The following PIK3R6 variants were observed in gnomAD, a reference collection of about 807,000 sequenced individuals.
PIK3R6 encodes phosphoinositide 3-kinase regulatory subunit 6.
Under a neutral mutation model 84.9 loss-of-function variants are expected in PIK3R6, and 91 were observed. The observed-to-expected ratio is 1.07, with a 90% CI of 0.90 to 1.28. The LOEUF is 1.28. Ranked by LOEUF, PIK3R6 falls within the 50% of genes most tolerant of loss-of-function variation. The pLI, the probability that PIK3R6 is intolerant of heterozygous loss-of-function variation, is 0.00. For synonymous variants in PIK3R6, 416 were observed against 411.4 expected (o/e 1.01, Z -0.13); for missense variants, 996 against 985.1 (o/e 1.01, Z -0.15).
intron 18 of PIK3R6, 37 bp downstream of exon 18, chr17:8,819,046 C>T (rs932037805): frequency 1.4e-6 from 2 of 1,464,608 alleles, no homozygotes; most frequent in Admixed American, 3.9e-5. Context: ...GCTGTCCCAG[C>T]TGGCTGTCTC....
At chr17:8,818,478 G>C (rs577172582) in intron 18 of PIK3R6, among the ~76,000 whole-genome samples, 19 of 152,218 alleles carry the variant, frequency 1.2e-4, no homozygotes, top group African/African-American at 4.6e-4. Context: ...ACGAAACCCT[G>C]TCTCTACTAA....
At chr17:8,852,382 A>G (rs953803313) in intron 1 of PIK3R6, among the ~76,000 whole-genome samples, 1 of 152,244 alleles carries the variant, frequency 6.6e-6, no homozygotes, top group Non-Finnish European at 1.5e-5. Context: ...GAATTCAGCA[A>G]TGGATTGTAA....
chr17:8,802,938 T>C lies in PIK3R6; in HGVS notation c.*335A>G, dbSNP rs1034536569. On this transcript the variant is annotated 3_prime_UTR_variant, in exon 20 of 20. Transcript: ENST00000619866. ...CCAAGACAGCAGCTTTAACCCTGGT[T>C]TTAAGGGCTGGATGGGGAGCTTGGG... is the stretch of plus-strand genomic sequence containing the variant. 6.4e-5 allele frequency: 17 copies of C among 264,400 alleles called. No homozygotes were observed. The highest frequency in any genetic ancestry group is 1.2e-4 in the Non-Finnish European group (16 of 136,306). The allele number at this position is 264,400 out of a possible 1,614,324, so 16.4% of individuals were successfully genotyped here.
chr17:8,839,732 C>A lies in PIK3R6; in HGVS notation c.14-35G>T. ...GGTAGGGGTGGGAGGAAACTCAGTC[C>A]ACTGAACCTCACCCTCGTCCCACCT... On this transcript the variant is annotated intron_variant, in intron 2 of 19. Coordinates refer to ENST00000619866, the MANE Select transcript of PIK3R6 (RefSeq NM_001010855.4). The surrounding 1 kb of genome is among the most constrained non-coding windows in gnomAD (Gnocchi z 4.2). The A allele has an allele frequency of 6.7e-7, 1 of 1,497,756 alleles. No individual in the cohort carries two copies. Among genetic ancestry groups the A allele is most frequent in the South Asian group, 1.2e-5 (1 of 81,996 alleles). The allele number at this position is 1,497,756 out of a possible 1,614,324, so 92.8% of individuals were successfully genotyped here. A position where few individuals can be genotyped will look rare whatever the true frequency, so the allele number is the denominator to read the frequency against.
intron 18 of PIK3R6, among the ~76,000 whole-genome samples, chr17:8,813,876 C>T (rs1597379554): frequency 6.6e-6 from 1 of 152,156 alleles, no homozygotes; most frequent in Non-Finnish European, 1.5e-5. Context: ...GTCACTACTC[C>T]TATTCAACAT....
intron 13 of PIK3R6, among the ~76,000 whole-genome samples, chr17:8,823,897 G>C (rs2087830662): frequency 6.6e-6 from 1 of 152,190 alleles, no homozygotes; most frequent in Non-Finnish European, 1.5e-5. Flanking sequence ...TGAGGCCCGA[G>C]TGTCCTTCTA....
chr17:8,806,170 G>T (rs1225735290), intron 18 of PIK3R6, among the ~76,000 whole-genome samples: 5 of 152,238 alleles, frequency 3.3e-5, no homozygotes, highest in Non-Finnish European at 7.3e-5. Context: ...CGTTCTATTT[G>T]CCATAATGAA....
At chr17:8,861,738 G>A (rs1009869791) in intron 1 of PIK3R6, among the ~76,000 whole-genome samples, 1 of 152,198 alleles carries the variant, frequency 6.6e-6, no homozygotes. Flanking sequence ...GAGAAGTGAT[G>A]CTGGCAATTG....
rs778443229 is a variant in PIK3R6 at position 8,828,790 on chromosome 17, C to T, written c.1090G>A (p.Ala364Thr). ...PAPGSPEMER[A>T]GLQRKGGIKK... ...ATGCCCCCTTTGCGCTGCAGCCCGGCTCGCTCCATCTCAGGGCTGCCGGGT... is the reference window on the plus strand; with the variant it reads ...ATGCCCCCTTTGCGCTGCAGCCCGGTTCGCTCCATCTCAGGGCTGCCGGGT... The change falls in exon 11 of 20, where the codon GCC becomes ACC. Residue 364 changes from alanine to threonine, a missense_variant. Transcript: ENST00000619866. 4.4e-6 allele frequency: 7 copies of T among 1,586,808 alleles called. No individual in the cohort carries two copies. The highest frequency in any genetic ancestry group is 6.0e-6 in the Non-Finnish European group (7 of 1,164,612).
chr17:8,866,248 A>G (rs1342394516), intron 1 of PIK3R6, among the ~76,000 whole-genome samples: 1 of 152,064 alleles, frequency 6.6e-6, no homozygotes, highest in Non-Finnish European at 1.5e-5. Context: ...AAATAAATAA[A>G]TGGACCGGGC....
intron 9 of PIK3R6, among the ~76,000 whole-genome samples, chr17:8,831,980 G>T (rs1239221267): frequency 6.6e-6 from 1 of 152,180 alleles, no homozygotes; most frequent in East Asian, 1.9e-4. Flanking sequence ...TTATAAATAT[G>T]CAAATAGGAA....
chr17:8,813,355 G>A (rs534823313), intron 18 of PIK3R6, among the ~76,000 whole-genome samples: 13 of 152,146 alleles, frequency 8.5e-5, no homozygotes, highest in African/African-American at 4.8e-5. Flanking sequence ...TACTGACACC[G>A]TTCAAAAAAC....
At chr17:8,822,052 CT>C (rs546514771) in intron 16 of PIK3R6, 116 bp from the exon 17 acceptor site, 94,863 of 410,922 alleles carry the variant, frequency 0.23, 1,400 homozygotes, top group Middle Eastern at 0.26. Flanking sequence ...CTGTGAGAGT[CT>C]TTTTTTTTTT....
chr17:8,832,027 C>T (rs939610492), intron 9 of PIK3R6, among the ~76,000 whole-genome samples: 2 of 152,142 alleles, frequency 1.3e-5, no homozygotes, highest in African/African-American at 2.4e-5. Context: ...CAGATATAAA[C>T]GATGTTGACT....
rs112627298 is a variant in PIK3R6, at chr17:8,804,904, G to A, written c.1996-751C>T. 1.5e-3 allele frequency among the ~76,000 whole-genome samples: 227 copies of A among 152,300 alleles called. 2 individuals are homozygous for A. Among genetic ancestry groups the A allele is most frequent in the African/African-American group, 5.2e-3 (217 of 41,554 alleles). Reference sequence around the variant, plus strand: ...AAGAATCAATTTTCAAAAACATAATGTTGGAGATTCTGATTCAAGTGGCAT... The same window carrying A: ...AAGAATCAATTTTCAAAAACATAATATTGGAGATTCTGATTCAAGTGGCAT... On this transcript the variant is annotated intron_variant, in intron 18 of 19. Coordinates refer to ENST00000619866, the MANE Select transcript of PIK3R6 (RefSeq NM_001010855.4).
At chr17:8,834,550 ATT>A (rs35964462) in intron 8 of PIK3R6, among the ~76,000 whole-genome samples, 1 of 146,492 alleles carries the variant, frequency 6.8e-6, no homozygotes, top group East Asian at 2.0e-4. Flanking sequence ...TGCGTCTGGT[ATT>A]TTTTTTTTTT....
chr17:8,850,004 G>A (rs2088906601), intron 1 of PIK3R6, 119 bp from the exon 2 acceptor site: 1 of 499,474 alleles, frequency 2.0e-6, no homozygotes, highest in African/African-American at 1.9e-5. Flanking sequence ...AAGTCTAGAT[G>A]TATTTAAGAA....
In PIK3R6 at chr17:8,828,119, G is replaced by A. The variant is rs2088010438; in HGVS notation, c.1385C>T (p.Ala462Val). 1.2e-6 allele frequency: 2 copies of A among 1,613,872 alleles called. No individual in the cohort carries two copies. Among genetic ancestry groups the A allele is most frequent in the Non-Finnish European group, 8.5e-7 (1 of 1,179,828 alleles). ...TCCCCGCGGTCCAGTCACCTCAGGCGCCAGCACGGGGATGTAGTAGAGCTG... is the reference window on the plus strand; with the variant it reads ...TCCCCGCGGTCCAGTCACCTCAGGCACCAGCACGGGGATGTAGTAGAGCTG... ...SLQLYYIPVL[A>V]PEKPAASRQP... The change falls in exon 12 of 20, where the codon GCG (alanine) becomes GTG (valine). Residue 462 changes from alanine to valine, a missense_variant. Ala to Val is a moderately conservative substitution (Grantham distance 64). Transcript: ENST00000619866.
At chr17:8,864,177 C>A (rs529110625) in intron 1 of PIK3R6, among the ~76,000 whole-genome samples, 4 of 152,100 alleles carry the variant, frequency 2.6e-5, no homozygotes, top group Non-Finnish European at 5.9e-5. Context: ...AATTTGCTGT[C>A]AATATAATAG....
Sources: allele counts gnomAD v4.1 joint callset (sites outside exome capture counted in the v4.1 genomes callset), GRCh38; gene constraint gnomAD v4.1.1; non-coding constraint Gnocchi (gnomAD v3.1); transcripts MANE v1.5; gene names NCBI Gene and HGNC (gene_info 2026-07-23, HGNC 2026-07-21).